CEP112: variants seen among roughly 807,000 people sequenced by gnomAD.
The protein encoded by CEP112 is centrosomal protein 112, also known as centrosomal protein of 112 kDa.
A neutral mutation model predicts 153.0 loss-of-function variants in CEP112; 127 were observed. That is an observed-to-expected ratio of 0.83 (90% CI 0.72 to 0.96). The LOEUF (loss-of-function observed/expected upper bound fraction) is 0.96. Ranked by LOEUF, CEP112 falls within the 40% of genes least tolerant of loss-of-function variation. The pLI is 0.00. For missense variants in CEP112, 1,089 were observed against 1,101.2 expected, an observed-to-expected ratio of 0.99 and a Z score of 0.16; for synonymous variants, 358 against 374.4, an observed-to-expected ratio of 0.96 and a Z score of 0.51.
intron 16 of CEP112, among the ~76,000 whole-genome samples, chr17:66,009,821 T>C (rs1038586734): frequency 3.9e-5 from 6 of 152,222 alleles, no homozygotes; most frequent in Non-Finnish European, 8.8e-5. Flanking sequence ...CATTAATCTA[T>C]GTGTCTGTTT....
At chr17:65,846,794 C>A (rs372063267) in intron 21 of CEP112, among the ~76,000 whole-genome samples, 1 of 152,276 alleles carries the variant, frequency 6.6e-6, no homozygotes, top group East Asian at 1.9e-4. Context: ...TGGTCTCGAT[C>A]TCCTGACCTT....
intron 6 of CEP112, among the ~76,000 whole-genome samples, chr17:66,112,566 T>A (rs544262498): frequency 6.6e-6 from 1 of 152,326 alleles, no homozygotes; most frequent in African/African-American, 2.4e-5. Context: ...GAATTGGTAC[T>A]TTTACTCAGG....
chr17:65,836,810 TCTCCCC>T (rs1352761174), intron 21 of CEP112, among the ~76,000 whole-genome samples: 2 of 151,776 alleles, frequency 1.3e-5, no homozygotes, highest in Non-Finnish European at 2.9e-5. Context: ...TCCCTCTCCC[TCTCCCC>T]ATCCCCTTCC....
intron 20 of CEP112, among the ~76,000 whole-genome samples, chr17:65,860,665 G>A (rs765825681): frequency 5.3e-5 from 8 of 152,222 alleles, no homozygotes; most frequent in South Asian, 2.1e-4. Context: ...TAAAAATTAC[G>A]CTGACACAAG....
chr17:65,956,410 A>ACACACACAC (rs2062004734), intron 18 of CEP112, among the ~76,000 whole-genome samples: 2 of 125,598 alleles, frequency 1.6e-5, no homozygotes, highest in Admixed American at 7.3e-5. Context: ...ATACATACAT[A>ACACACACAC]CACACACACA....
At chr17:65,685,556 T>A (rs1237945837) in intron 24 of CEP112, among the ~76,000 whole-genome samples, 1 of 152,180 alleles carries the variant, frequency 6.6e-6, no homozygotes, top group Non-Finnish European at 1.5e-5. Flanking sequence ...TTGAAGTTGC[T>A]TTGATGAACA....
chr17:66,096,137 G>T, intron 8 of CEP112, 114 bp downstream of exon 8: 1 of 675,320 alleles, frequency 1.5e-6, no homozygotes, highest in Non-Finnish European at 2.4e-6. Flanking sequence ...TTTGTTTCAA[G>T]TGCAACCTCT....
At chr17:66,092,104 C>T (rs142073723) in intron 8 of CEP112, among the ~76,000 whole-genome samples, 5 of 149,070 alleles carry the variant, frequency 3.4e-5, no homozygotes, top group East Asian at 2.0e-4. Context: ...TGCAGTAGTG[C>T]GATCTTCTCA....
intron 21 of CEP112, among the ~76,000 whole-genome samples, chr17:65,787,152 T>C (rs905362774): frequency 6.6e-6 from 1 of 152,208 alleles, no homozygotes; most frequent in Non-Finnish European, 1.5e-5. Flanking sequence ...GGAAATACTT[T>C]TGACTTTTTC....
chr17:66,064,322 GTTT>G (rs1282256505), intron 10 of CEP112, among the ~76,000 whole-genome samples: 1 of 152,108 alleles, frequency 6.6e-6, no homozygotes, highest in Non-Finnish European at 1.5e-5. Flanking sequence ...CATTTTTGAA[GTTT>G]ATGTTACTAA....
chr17:65,900,146 G>C (rs950599039), intron 20 of CEP112, among the ~76,000 whole-genome samples: 5 of 152,060 alleles, frequency 3.3e-5, no homozygotes, highest in African/African-American at 1.2e-4. Context: ...ATTTTTTAAA[G>C]TACAGCTCAT....
chr17:65,653,844 A>G (rs1385584905), intron 24 of CEP112, among the ~76,000 whole-genome samples: 2 of 152,058 alleles, frequency 1.3e-5, no homozygotes, highest in Non-Finnish European at 2.9e-5. Flanking sequence ...GCAGACCACA[A>G]GGTCAGGAGG....
chr17:66,119,068 T>C (rs547599736), intron 6 of CEP112, among the ~76,000 whole-genome samples: 2 of 152,260 alleles, frequency 1.3e-5, no homozygotes, highest in African/African-American at 2.4e-5. Context: ...CTGGAAGCCA[T>C]GATCCTCAGC....
At chr17:65,958,904 C>G (rs907543470) in intron 18 of CEP112, among the ~76,000 whole-genome samples, 9 of 152,172 alleles carry the variant, frequency 5.9e-5, no homozygotes, top group African/African-American at 2.2e-4. Context: ...TGCACTTCCT[C>G]CCCTCTGAGG....
At chr17:65,940,892 C>A (rs11868167) in intron 18 of CEP112, among the ~76,000 whole-genome samples, 9,831 of 152,032 alleles carry the variant, frequency 0.065, 465 homozygotes, top group African/African-American at 0.12. Flanking sequence ...ATAGTCACCA[C>A]AAAAAACCAG....
chr17:66,031,659 AC>A (rs2065491777), intron 12 of CEP112, among the ~76,000 whole-genome samples: 1 of 151,492 alleles, frequency 6.6e-6, no homozygotes, highest in African/African-American at 2.4e-5. Flanking sequence ...ATGGGGTCTC[AC>A]TATGTTGGCC....
intron 16 of CEP112, among the ~76,000 whole-genome samples, chr17:66,013,876 G>C (rs2064649292): frequency 6.6e-6 from 1 of 152,006 alleles, no homozygotes; most frequent in Non-Finnish European, 1.5e-5. Flanking sequence ...CTGGTGGGCA[G>C]TGTTGGCATA....
intron 23 of CEP112, among the ~76,000 whole-genome samples, chr17:65,694,910 C>T (rs915641888): frequency 2.6e-5 from 4 of 152,230 alleles, no homozygotes; most frequent in Admixed American, 2.6e-4. Flanking sequence ...GAATGTCCAA[C>T]ACTGGGTCAA....
At chr17:65,935,440 C>T (rs1167160911) in intron 18 of CEP112, among the ~76,000 whole-genome samples, 1 of 152,122 alleles carries the variant, frequency 6.6e-6, no homozygotes. Flanking sequence ...ACATTATGCT[C>T]AGCATTCCAT....
Sources: gnomAD v4.1 joint callset for allele counts (sites outside exome capture counted in the v4.1 genomes callset) on GRCh38, gnomAD v4.1.1 for gene constraint, MANE v1.5 for transcripts, NCBI Gene and HGNC (gene_info 2026-07-23, HGNC 2026-07-21) for gene names.